Variants in TBC1D19 observed in about 807,000 individuals in gnomAD.
TBC1D19 encodes TBC1 domain family, member 19.
A neutral mutation model predicts 89.0 loss-of-function variants in TBC1D19; 60 were observed. The ratio of observed to expected loss-of-function variants is 0.67; its 90% CI spans 0.55 to 0.84. The LOEUF (loss-of-function observed/expected upper bound fraction) is 0.84. Ranked by LOEUF, TBC1D19 falls within the 40% of genes least tolerant of loss-of-function variation. The pLI is 0.00. For synonymous variants in TBC1D19, 189 were observed against 199.7 expected (o/e 0.95, Z 0.45); for missense variants, 500 against 610.8 (o/e 0.82, Z 1.91).
upstream of TBC1D19, among the ~76,000 whole-genome samples, chr4:26,579,142 T>C (rs779758394): frequency 6.6e-6 from 1 of 152,216 alleles, no homozygotes; most frequent in African/African-American, 2.4e-5. Context: ...TCTGTGTGAA[T>C]GGTCAGTAAT....
At position 26,744,073 on chromosome 4, in the gene TBC1D19, A is replaced by G. The variant is rs572707360; in HGVS notation, c.1319+1474A>G. Among the ~76,000 whole-genome samples, 312 of 151,762 alleles carry G rather than the reference A, an allele frequency of 2.1e-3. 3 individuals are homozygous for G. The highest frequency in any genetic ancestry group is 7.3e-3 in the African/African-American group (304 of 41,558). On this transcript the variant is annotated intron_variant, in intron 18 of 20. Coordinates refer to ENST00000264866, the MANE Select transcript of TBC1D19 (RefSeq NM_018317.4). ...TAATTTTGAATTTAATTTCTTTAAT[A>G]GATATAGGACTACTTGGGTTATCTA...
At chr4:26,656,449 T>C (rs1248487929) in intron 7 of TBC1D19, among the ~76,000 whole-genome samples, 1 of 152,222 alleles carries the variant, frequency 6.6e-6, no homozygotes, top group Non-Finnish European at 1.5e-5. Flanking sequence ...ATTATTTCTT[T>C]ATGATCCTAG....
chr4:26,802,657 A>T, the TBC1D19 span, among the ~76,000 whole-genome samples: 1 of 152,214 alleles, frequency 6.6e-6, no homozygotes, highest in South Asian at 2.1e-4. Flanking sequence ...GGAATAAAGC[A>T]AGATACAGAA....
the TBC1D19 span, among the ~76,000 whole-genome samples, chr4:26,844,872 T>C: frequency 2.0e-5 from 3 of 152,200 alleles, no homozygotes; most frequent in African/African-American, 7.2e-5. Flanking sequence ...TTGGGATGTT[T>C]TCAGGTGTTA....
chr4:26,824,184 G>A, the TBC1D19 span, among the ~76,000 whole-genome samples: 1 of 152,300 alleles, frequency 6.6e-6, no homozygotes, highest in Admixed American at 6.5e-5. Flanking sequence ...GAGCATTCCT[G>A]AACATGCAGC....
At chr4:26,788,225 G>A in the TBC1D19 span, among the ~76,000 whole-genome samples, 453 of 152,236 alleles carry the variant, frequency 3.0e-3, no homozygotes, top group Admixed American at 4.2e-3. Context: ...ACACAGGGGG[G>A]CTGACACAGG....
rs76297326 is a variant in TBC1D19, at chr4:26,748,483, A to G, written c.1392A>G (p.Leu464=). 2.4e-3 allele frequency: 3,926 copies of G among 1,613,822 alleles called. 96 individuals carry two copies. The African/African-American group carries it at 0.046, about 19-fold the overall frequency. Residue 464 remains leucine, a synonymous_variant, in exon 19 of 21, where the codon TTA becomes TTG. Coordinates refer to ENST00000264866, the MANE Select transcript of TBC1D19 (RefSeq NM_018317.4). ...TAGCTACAGATCAGCTCTTGCTTTT[A>G]TGGGATAGAATCCTAGGATACAACT... ...GYLATDQLLL[L]WDRILGYNSL...
At chr4:26,777,460 A>G in the TBC1D19 span, among the ~76,000 whole-genome samples, 1 of 150,692 alleles carries the variant, frequency 6.6e-6, no homozygotes, top group East Asian at 2.0e-4. Flanking sequence ...GTTTGTTTAG[A>G]CAGAGTCTCT....
chr4:26,683,550 A>G, intron 11 of TBC1D19, 125 bp from the exon 12 acceptor site: 1 of 655,970 alleles, frequency 1.5e-6, no homozygotes, highest in South Asian at 2.1e-5. Context: ...CATGAGGGTT[A>G]TAGTAGTGCC....
At chr4:26,817,962 T>A in the TBC1D19 span, among the ~76,000 whole-genome samples, 5 of 97,084 alleles carry the variant, frequency 5.2e-5, no homozygotes, top group Admixed American at 1.0e-4. Flanking sequence ...GAGTGGAAAC[T>A]CCATTTAAAA....
chr4:26,818,764 A>G, the TBC1D19 span, among the ~76,000 whole-genome samples: 6 of 152,170 alleles, frequency 3.9e-5, no homozygotes, highest in African/African-American at 1.2e-4. Context: ...TCCTGATTTT[A>G]ACATTGAAAG....
intron 1 of TBC1D19, among the ~76,000 whole-genome samples, chr4:26,612,423 A>G (rs1474739222): frequency 1.3e-5 from 2 of 151,858 alleles, no homozygotes; most frequent in Non-Finnish European, 2.9e-5. Flanking sequence ...AAGGAACAAG[A>G]CAGTAAGTGG....
At chr4:26,788,664 A>G in the TBC1D19 span, among the ~76,000 whole-genome samples, 1 of 152,202 alleles carries the variant, frequency 6.6e-6, no homozygotes, top group Admixed American at 6.5e-5. Flanking sequence ...CATTCTGAAC[A>G]TAGCCCCCTA....
At chr4:26,696,204 C>T (rs986076263) in intron 13 of TBC1D19, among the ~76,000 whole-genome samples, 4 of 152,146 alleles carry the variant, frequency 2.6e-5, no homozygotes, top group Non-Finnish European at 4.4e-5. Context: ...GCAGGGGTTG[C>T]AATCCTAGTC....
At chr4:26,774,524 C>T in the TBC1D19 span, among the ~76,000 whole-genome samples, 2 of 152,178 alleles carry the variant, frequency 1.3e-5, no homozygotes, top group South Asian at 4.1e-4. Flanking sequence ...TCTTGAACAT[C>T]TCTTGTCAGA....
intron 15 of TBC1D19, among the ~76,000 whole-genome samples, chr4:26,731,926 T>A (rs1215198687): frequency 2.0e-5 from 3 of 151,912 alleles, no homozygotes; most frequent in Non-Finnish European, 2.9e-5. Context: ...CAATACAGTT[T>A]AAAAAAAATT....
At chr4:26,854,544 A>G in the TBC1D19 span, among the ~76,000 whole-genome samples, 3 of 152,188 alleles carry the variant, frequency 2.0e-5, no homozygotes, top group Admixed American at 6.5e-5. Flanking sequence ...ACTTTACACC[A>G]TAACAGCATC....
chr4:26,686,528 G>T (rs1005424563), intron 12 of TBC1D19, among the ~76,000 whole-genome samples: 1 of 151,452 alleles, frequency 6.6e-6, no homozygotes. Context: ...TCATTATCAC[G>T]CTCCTGGAGA....
At chr4:26,703,896 G>C (rs1168350422) in intron 13 of TBC1D19, among the ~76,000 whole-genome samples, 1 of 139,404 alleles carries the variant, frequency 7.2e-6, no homozygotes, top group Non-Finnish European at 1.5e-5. Flanking sequence ...GGGAGGTGGA[G>C]TTTGCAGTGA....
Sources: allele counts gnomAD v4.1 joint callset (sites outside exome capture counted in the v4.1 genomes callset), GRCh38; gene constraint gnomAD v4.1.1; transcripts MANE v1.5; gene names NCBI Gene and HGNC (gene_info 2026-07-23, HGNC 2026-07-21).